HDAC9: variants seen among roughly 807,000 people sequenced by gnomAD.
HDAC9 encodes the protein MEF-2 interacting transcription repressor (MITR) protein.
In HDAC9, 41 loss-of-function variants were observed where a neutral mutation model predicts 139.4. The observed-to-expected ratio is 0.29, with a 90% CI of 0.23 to 0.38. The LOEUF is 0.38. Ranked by LOEUF, HDAC9 falls within the 10% of genes least tolerant of loss-of-function variation. HDAC9 has a pLI of 1.00. For synonymous variants in HDAC9, 517 were observed against 476.2 expected (o/e 1.09, Z -1.12); for missense variants, 1,147 against 1,297.0 (o/e 0.88, Z 1.78).
intron 8 of HDAC9, among the ~76,000 whole-genome samples, chr7:18,636,385 C>T (rs1376327784): frequency 6.6e-6 from 1 of 152,022 alleles, no homozygotes; most frequent in Non-Finnish European, 1.5e-5. Context: ...TTGTGTAGAT[C>T]TGTAGCCCAA....
At chr7:18,656,310 C>G (rs929232683) in intron 11 of HDAC9, among the ~76,000 whole-genome samples, 2 of 152,032 alleles carry the variant, frequency 1.3e-5, no homozygotes, top group East Asian at 3.9e-4. Flanking sequence ...CAACAGTCTC[C>G]GGTCATGGAA....
chr7:18,208,372 C>CTTTTTT (rs71553923), intron 2 of HDAC9, among the ~76,000 whole-genome samples: 1 of 130,552 alleles, frequency 7.7e-6, no homozygotes, highest in Non-Finnish European at 1.6e-5. Flanking sequence ...CTGAGAGTAT[C>CTTTTTT]TTTTTTTTTT....
At chr7:18,839,613 G>A (rs183681255) in intron 21 of HDAC9, among the ~76,000 whole-genome samples, 40 of 152,172 alleles carry the variant, frequency 2.6e-4, no homozygotes, top group Non-Finnish European at 3.8e-4. Flanking sequence ...GGTATTAAGC[G>A]AACCTAGCAA....
intron 1 of HDAC9, among the ~76,000 whole-genome samples, chr7:18,137,169 T>C (rs1458721300): frequency 2.2e-5 from 3 of 138,034 alleles, no homozygotes; most frequent in Non-Finnish European, 4.6e-5. Context: ...CCTGAGACTT[T>C]GCTGAAGTTG....
chr7:18,731,951 A>G (rs1389026342), intron 13 of HDAC9, among the ~76,000 whole-genome samples: 1 of 152,072 alleles, frequency 6.6e-6, no homozygotes, highest in African/African-American at 2.4e-5. Flanking sequence ...TCTTAAGACT[A>G]TACTGTAAGT....
At chr7:18,512,487 A>T (rs915951969) in intron 2 of HDAC9, among the ~76,000 whole-genome samples, 1 of 152,198 alleles carries the variant, frequency 6.6e-6, no homozygotes, top group African/African-American at 2.4e-5. Context: ...ACTTGATCAG[A>T]TTTGAGCGAT....
chr7:18,745,620 C>G (rs1252176611), intron 13 of HDAC9, among the ~76,000 whole-genome samples: 1 of 145,420 alleles, frequency 6.9e-6, no homozygotes, highest in Non-Finnish European at 1.5e-5. Flanking sequence ...AATCTCAGCT[C>G]ACTGCAAGCT....
chr7:18,574,287 G>C (rs1014442206), intron 2 of HDAC9, among the ~76,000 whole-genome samples: 2 of 152,228 alleles, frequency 1.3e-5, no homozygotes, highest in Non-Finnish European at 2.9e-5. Flanking sequence ...CCAGACATCT[G>C]TGCAGCCCTC....
rs1392311609 is a variant in HDAC9 at position 18,986,631 on chromosome 7, GA to G, written c.3171-9391del. On this transcript the variant is annotated intron_variant, in intron 25 of 25. Transcript: ENST00000686413. ...AGAAAGTCATTGGTAGCTTGATGGGGATGGCATTGAATCTGTAAATTACCTT... is the reference window on the plus strand; with the variant it reads ...AGAAAGTCATTGGTAGCTTGATGGGGTGGCATTGAATCTGTAAATTACCTT... Among the ~76,000 whole-genome samples the G allele has an allele frequency of 2.6e-5, 4 of 151,242 alleles. No individual in the cohort carries two copies. In the Admixed American group the frequency reaches 2.6e-4, roughly 10 times the overall value.
upstream of HDAC9, among the ~76,000 whole-genome samples, chr7:18,495,175 G>A (rs753016947): frequency 1.3e-5 from 2 of 152,040 alleles, no homozygotes; most frequent in Non-Finnish European, 2.9e-5. Context: ...AGGCAGAAAA[G>A]CTTCTAGTGC....
intron 4 of HDAC9, among the ~76,000 whole-genome samples, chr7:18,591,142 A>G (rs1009559121): frequency 1.4e-4 from 22 of 152,190 alleles, no homozygotes; most frequent in African/African-American, 5.3e-4. Context: ...GGGATTTAAT[A>G]TGGATCTAAT....
chr7:18,808,702 T>C (rs1036459026), intron 17 of HDAC9, among the ~76,000 whole-genome samples: 6 of 152,018 alleles, frequency 3.9e-5, no homozygotes, highest in African/African-American at 1.2e-4. Flanking sequence ...AGAATTAACA[T>C]TGGTAAAATA....
intron 17 of HDAC9, among the ~76,000 whole-genome samples, chr7:18,802,446 T>C (rs1367292202): frequency 6.6e-6 from 1 of 151,966 alleles, no homozygotes; most frequent in Non-Finnish European, 1.5e-5. Flanking sequence ...ATTTGTAAAA[T>C]GTTCTTTGTG....
rs1021057799 is a variant in HDAC9, at chr7:18,997,298, T to TG, written c.*1237dup. 3 of 69,702 alleles carry TG rather than the reference T, an allele frequency of 4.3e-5. No individual in the cohort carries two copies. The highest frequency in any genetic ancestry group is 1.9e-4 in the African/African-American group (3 of 16,104). 4.3% of individuals were successfully genotyped at this position (69,702 alleles called of 1,614,324 possible). Reference sequence around the variant, plus strand: ...TTAACCTAGAAGCTGTGCCTTCTTGTGAAAAAAAAAAAAAACAAAAACAAA... The same window carrying TG: ...TTAACCTAGAAGCTGTGCCTTCTTGTGGAAAAAAAAAAAAAACAAAAACAAA... On this transcript the variant is annotated 3_prime_UTR_variant, in exon 26 of 26. Transcript: ENST00000686413.
intron 23 of HDAC9, among the ~76,000 whole-genome samples, chr7:18,947,153 A>C (rs1782461041): frequency 6.6e-6 from 1 of 152,158 alleles, no homozygotes; most frequent in South Asian, 2.1e-4. Context: ...ATGCTTTTAA[A>C]TGTATATATT....
In HDAC9 at chr7:18,670,556, A is replaced by G. The variant is rs138244703; in HGVS notation, c.1731+4080A>G. On this transcript the variant is annotated intron_variant, in intron 12 of 25. Coordinates refer to ENST00000686413, the MANE Select transcript of HDAC9 (RefSeq NM_178425.4). Reference sequence around the variant, plus strand: ...TCTATTAGCTCATTTGGTCCTCACAATAACCTGATGAAGGAGGTATTATTA... The same window carrying G: ...TCTATTAGCTCATTTGGTCCTCACAGTAACCTGATGAAGGAGGTATTATTA... Among the ~76,000 whole-genome samples the G allele has an allele frequency of 8.5e-4, 130 of 152,196 alleles. 1 individual carries two copies. Among genetic ancestry groups the G allele is most frequent in the African/African-American group, 3.0e-3 (126 of 41,572 alleles).
chr7:18,961,866 T>G (rs1783547246), intron 24 of HDAC9, among the ~76,000 whole-genome samples: 1 of 152,212 alleles, frequency 6.6e-6, no homozygotes, highest in African/African-American at 2.4e-5. Flanking sequence ...CAGTCTTCCC[T>G]CTTAGCCTCT....
chr7:18,272,241 G>T (rs555462227), intron 2 of HDAC9, among the ~76,000 whole-genome samples: 31 of 152,098 alleles, frequency 2.0e-4, no homozygotes, highest in African/African-American at 7.5e-4. Flanking sequence ...TTGTGCATAG[G>T]TGCTTTCCTA....
intron 6 of HDAC9, among the ~76,000 whole-genome samples, chr7:18,605,781 C>T (rs575231592): frequency 1.8e-4 from 27 of 151,974 alleles, no homozygotes; most frequent in African/African-American, 2.7e-4. Context: ...CCCAGGTTCA[C>T]GCTATTCTCC....
Sources: allele counts gnomAD v4.1 joint callset (sites outside exome capture counted in the v4.1 genomes callset), GRCh38; gene constraint gnomAD v4.1.1; transcripts MANE v1.5; gene names NCBI Gene and HGNC (gene_info 2026-07-23, HGNC 2026-07-21).